Variants in PCDH11X observed in about 807,000 individuals in gnomAD.
PCDH11X encodes protocadherin 11 X-linked, also known as protocadherin-11 X-linked.
A neutral mutation model predicts 53.3 loss-of-function variants in PCDH11X; 18 were observed. The observed-to-expected ratio is 0.34, with a 90% CI of 0.23 to 0.50. The LOEUF is 0.50. PCDH11X is among the 20% of genes least tolerant of loss of function. PCDH11X has a pLI of 0.98. For synonymous variants in PCDH11X, 279 were observed against 393.3 expected (o/e 0.71, Z 3.44); for missense variants, 570 against 1,032.4 (o/e 0.55, Z 6.14).
At chrX:92,412,509 G>GTATATATA (rs748836273) in intron 9 of PCDH11X, among the ~76,000 whole-genome samples, 18 of 64,418 alleles carry the variant, frequency 2.8e-4, no homozygotes, top group South Asian at 8.2e-4. Flanking sequence ...AAAGAAAATA[G>GTATATATA]TATATATATA....
At chrX:92,311,310 C>G (rs1392851461) in intron 8 of PCDH11X, among the ~76,000 whole-genome samples, 1 of 109,637 alleles carries the variant, frequency 9.1e-6, no homozygotes, top group Non-Finnish European at 1.9e-5. Context: ...AAGTGTTCTG[C>G]ACTAGTTAAT....
At chrX:92,525,933 C>T (rs568599256) in intron 10 of PCDH11X, among the ~76,000 whole-genome samples, 2 of 111,075 alleles carry the variant, frequency 1.8e-5, no homozygotes, top group African/African-American at 6.5e-5. Flanking sequence ...ACCGGGTGAC[C>T]TAAGAATGAA....
intron 8 of PCDH11X, among the ~76,000 whole-genome samples, chrX:92,347,221 T>C (rs1268590634): frequency 9.0e-6 from 1 of 111,726 alleles, no homozygotes; most frequent in Non-Finnish European, 1.9e-5. Flanking sequence ...TAGTTAGAAA[T>C]GTCAAATTAA....
chrX:92,103,530 G>C lies in PCDH11X; in HGVS notation c.3034-97845G>C, dbSNP rs146046042. On this transcript the variant is annotated intron_variant, in intron 6 of 10. Transcript: ENST00000682573. ...TCTTCAGCCGGTAAGCCAAGAAGGAGTCAGTCAGAGAGCCCTGGGCCAGAG... is the reference window on the plus strand; with the variant it reads ...TCTTCAGCCGGTAAGCCAAGAAGGACTCAGTCAGAGAGCCCTGGGCCAGAG... 5.4e-3 allele frequency among the ~76,000 whole-genome samples: 607 copies of C among 111,668 alleles called. 5 individuals carry two copies. Among genetic ancestry groups the C allele is most frequent in the African/African-American group, 0.019 (582 of 30,754 alleles).
intron 8 of PCDH11X, among the ~76,000 whole-genome samples, chrX:92,370,779 G>A (rs1254113817): frequency 3.6e-5 from 4 of 111,813 alleles, no homozygotes; most frequent in African/African-American, 1.3e-4. Context: ...TTTTCTTACT[G>A]ATCATCTTTC....
intron 6 of PCDH11X, among the ~76,000 whole-genome samples, chrX:92,165,901 T>C (rs2065724161): frequency 9.0e-6 from 1 of 111,185 alleles, no homozygotes; most frequent in Non-Finnish European, 1.9e-5. Context: ...ACACAGGATT[T>C]GCAAAGGGAA....
rs1939648038 is a variant in PCDH11X, at chrX:91,876,948, A to G, written c.708A>G (p.Gln236=). 7 of 1,208,265 alleles carry G rather than the reference A, an allele frequency of 5.8e-6. No homozygotes were observed. Among genetic ancestry groups the G allele is most frequent in the Non-Finnish European group, 6.7e-6 (6 of 894,886 alleles). The change falls in exon 6 of 11, where the codon CAA becomes CAG. Residue 236 remains glutamine (Q), a synonymous_variant. Transcript: ENST00000682573. Reference sequence around the variant, plus strand: ...AAAGATCCAGTACTGCTATTTTGCAAGTGAGTGTTACTGATACAAATGACA... The same window carrying G: ...AAAGATCCAGTACTGCTATTTTGCAGGTGAGTGTTACTGATACAAATGACA... ...FPQRSSTAIL[Q]VSVTDTNDNH... is the part of the protein sequence containing the mutation.
chrX:92,375,166 A>ATTTTT (rs1230279822), intron 8 of PCDH11X, among the ~76,000 whole-genome samples: 15 of 8,262 alleles, frequency 1.8e-3, no homozygotes, highest in Admixed American at 6.5e-3. Flanking sequence ...ATATATATAT[A>ATTTTT]TTTTTTTTTT....
intron 6 of PCDH11X, among the ~76,000 whole-genome samples, chrX:91,952,265 A>C (rs989479420): frequency 9.1e-6 from 1 of 110,091 alleles, no homozygotes; most frequent in Non-Finnish European, 1.9e-5. Context: ...TTTATTAATG[A>C]GTAGTCCCTT....
intron 8 of PCDH11X, among the ~76,000 whole-genome samples, chrX:92,363,614 A>T (rs1437351190): frequency 2.8e-4 from 31 of 109,201 alleles, no homozygotes; most frequent in African/African-American, 1.0e-3. Context: ...AGATAAACTT[A>T]CTTCTTCCTT....
chrX:92,120,470 C>T lies in PCDH11X; in HGVS notation c.3034-80905C>T, dbSNP rs757506288. 3.5e-5 allele frequency among the ~76,000 whole-genome samples: 4 copies of T among 112,967 alleles called. No individual in the cohort carries two copies. The South Asian group carries it at 1.4e-3, about 41-fold the overall frequency. On this transcript the variant is annotated intron_variant, in intron 6 of 10. Coordinates refer to ENST00000682573, the MANE Select transcript of PCDH11X (RefSeq NM_032968.5). ...ACCGCGCCTGGCCACCATTTTCTAA[C>T]TTTTCTAAGATGCGAAGGTAAACAA...
At chrX:91,815,213 C>A (rs1447556649) in intron 4 of PCDH11X, among the ~76,000 whole-genome samples, 2 of 111,553 alleles carry the variant, frequency 1.8e-5, no homozygotes, top group East Asian at 5.6e-4. Context: ...TTTTTTAATG[C>A]CAGGATAGTT....
intron 8 of PCDH11X, among the ~76,000 whole-genome samples, chrX:92,292,154 G>A (rs928103338): frequency 2.4e-4 from 27 of 111,554 alleles, no homozygotes; most frequent in African/African-American, 8.5e-4. Context: ...TGGATGCAAA[G>A]TCATTTAAAT....
chrX:92,438,382 G>A (rs958005618), intron 9 of PCDH11X, among the ~76,000 whole-genome samples: 4 of 111,301 alleles, frequency 3.6e-5, no homozygotes, highest in Admixed American at 2.9e-4. Flanking sequence ...AATTTAAAAT[G>A]TTAATTATGT....
chrX:92,385,696 G>A (rs4893178), intron 8 of PCDH11X, among the ~76,000 whole-genome samples: 19,731 of 110,146 alleles, frequency 0.18, 1,439 homozygotes, highest in Non-Finnish European at 0.22. Flanking sequence ...TTAGCTTGGC[G>A]TGGTGGTGTG....
chrX:91,838,497 C>T (rs1388109568), intron 5 of PCDH11X, among the ~76,000 whole-genome samples: 1 of 111,403 alleles, frequency 9.0e-6, no homozygotes, highest in Admixed American at 9.6e-5. Context: ...TGCAGAGGGC[C>T]ATGACATGGG....
chrX:91,852,505 A>G (rs947632952), intron 5 of PCDH11X, among the ~76,000 whole-genome samples: 3 of 111,091 alleles, frequency 2.7e-5, no homozygotes, highest in Non-Finnish European at 5.7e-5. Flanking sequence ...TTTTCTGATT[A>G]TTTGCTGGAC....
intron 6 of PCDH11X, among the ~76,000 whole-genome samples, chrX:91,886,979 AAAAAAAAG>A (rs1940249577): frequency 1.0e-5 from 1 of 98,640 alleles, no homozygotes; most frequent in African/African-American, 3.7e-5. Context: ...TCAAAAAAAA[AAAAAAAAG>A]AAAAGAAAAG....
intron 6 of PCDH11X, among the ~76,000 whole-genome samples, chrX:92,013,338 C>G: frequency 9.0e-6 from 1 of 111,424 alleles, no homozygotes; most frequent in Non-Finnish European, 1.9e-5. Flanking sequence ...ATGTGAAGGA[C>G]CTCTTCGAAG....
Sources: allele counts gnomAD v4.1 joint callset (sites outside exome capture counted in the v4.1 genomes callset), GRCh38; gene constraint gnomAD v4.1.1; transcripts MANE v1.5; gene names NCBI Gene and HGNC (gene_info 2026-07-23, HGNC 2026-07-21).